Variants in MYO16 observed in about 807,000 individuals in gnomAD.
MYO16 encodes the protein unconventional myosin-XVI.
Under a neutral mutation model 205.3 loss-of-function variants are expected in MYO16, and 94 were observed. The ratio of observed to expected loss-of-function variants is 0.46; its 90% confidence interval spans 0.39 to 0.54. The LOEUF is 0.54. Among genes scored for constraint, MYO16 ranks in the 20% least tolerant of loss-of-function variants. The pLI, the probability that MYO16 is intolerant of heterozygous loss-of-function variation, is 0.00. For synonymous variants in MYO16, 988 were observed against 954.0 expected (o/e 1.04, Z -0.66); for missense variants, 2,315 against 2,387.5 (o/e 0.97, Z 0.63).
At chr13:108,677,677 C>A (rs2139460655) in intron 2 of MYO16, among the ~76,000 whole-genome samples, 1 of 152,096 alleles carries the variant, frequency 6.6e-6, no homozygotes, top group East Asian at 1.9e-4. Flanking sequence ...TCGCGCCATA[C>A]AATGTTATTT....
At chr13:108,774,830 C>T (rs1324389695) in intron 4 of MYO16, among the ~76,000 whole-genome samples, 1 of 152,152 alleles carries the variant, frequency 6.6e-6, no homozygotes, top group Non-Finnish European at 1.5e-5. Flanking sequence ...TCAATATGTT[C>T]TCTTACATCA....
Position 109,140,276 on chromosome 13 carries a change from C to G in MYO16, c.4064C>G (p.Pro1355Arg), listed in dbSNP as rs773262884. 2.5e-6 allele frequency: 4 copies of G among 1,599,966 alleles called. No individual in the cohort carries two copies. The highest frequency in any genetic ancestry group is 1.7e-5 in the Admixed American group (1 of 59,950). Reference sequence around the variant, plus strand: ...TTTCCTGCCGCAGCTCTGGCCCGGCCCAGACCGCACAGCGACGACTACAGC... The same window carrying G: ...TTTCCTGCCGCAGCTCTGGCCCGGCGCAGACCGCACAGCGACGACTACAGC... ...REAANEALAR[P>R]RPHSDDYSTM... The change falls in exon 32 of 35, where the codon CCC becomes CGC. Residue 1355 changes from proline (P) to arginine (R), a missense_variant. Physicochemically the swap from Pro to Arg is moderately radical, Grantham distance 103. Transcript: ENST00000457511. The surrounding 1 kb of genome is among the most constrained non-coding windows in gnomAD (Gnocchi z 8.0).
chr13:109,073,922 G>A (rs576148021), intron 27 of MYO16, among the ~76,000 whole-genome samples: 5 of 152,258 alleles, frequency 3.3e-5, no homozygotes, highest in Admixed American at 6.5e-5. Context: ...CTCAAGCTCG[G>A]TTCACCTGAG....
intron 28 of MYO16, among the ~76,000 whole-genome samples, chr13:109,115,048 A>G (rs550758189): frequency 1.3e-5 from 2 of 152,176 alleles, no homozygotes; most frequent in East Asian, 1.9e-4. Flanking sequence ...GATAATAGCT[A>G]TATTTTTCCT....
intron 10 of MYO16, among the ~76,000 whole-genome samples, chr13:108,850,148 T>A (rs1469382308): frequency 6.6e-6 from 1 of 152,126 alleles, no homozygotes; most frequent in Middle Eastern, 3.4e-3. Flanking sequence ...TTATCCATAC[T>A]GGGTTATTTG....
rs566057910 is a variant in MYO16, at chr13:109,019,273, C to T, written c.2596-438C>T. 1.1e-4 allele frequency among the ~76,000 whole-genome samples: 17 copies of T among 152,304 alleles called. No homozygotes were observed. The East Asian group carries it at 3.1e-3, about 28-fold the overall frequency. On this transcript the variant is annotated intron_variant, in intron 22 of 34. Coordinates refer to ENST00000457511, the MANE Select transcript of MYO16 (RefSeq NM_001198950.3). Reference sequence around the variant, plus strand: ...GATTATAGGCCTAAGCCACTGCAACCAGCTTTGCCATAATTTTTATGACTT... The same window carrying T: ...GATTATAGGCCTAAGCCACTGCAACTAGCTTTGCCATAATTTTTATGACTT...
At chr13:108,575,888 A>G in the MYO16 span, among the ~76,000 whole-genome samples, 4,876 of 151,992 alleles carry the variant, frequency 0.032, 241 homozygotes, top group African/African-American at 0.1. Flanking sequence ...CAGCAGGTGA[A>G]TGGATATGCC....
chr13:108,747,157 TA>T (rs2139626612), intron 4 of MYO16, among the ~76,000 whole-genome samples: 1 of 152,290 alleles, frequency 6.6e-6, no homozygotes, highest in African/African-American at 2.4e-5. Context: ...CAAGAAATGT[TA>T]AAATAAGTTG....
chr13:108,765,028 A>G (rs1264196110), intron 4 of MYO16, among the ~76,000 whole-genome samples: 1 of 152,180 alleles, frequency 6.6e-6, no homozygotes, highest in Non-Finnish European at 1.5e-5. Context: ...TCAGAATCAC[A>G]CATAATTTCA....
At chr13:108,868,817 G>A (rs1168223197) in intron 12 of MYO16, among the ~76,000 whole-genome samples, 6 of 151,786 alleles carry the variant, frequency 4.0e-5, no homozygotes, top group African/African-American at 1.2e-4. Flanking sequence ...CTACTTGGGA[G>A]GCTGAGGCAG....
At chr13:108,649,435 A>G (rs1880902063) in intron 1 of MYO16, among the ~76,000 whole-genome samples, 1 of 152,136 alleles carries the variant, frequency 6.6e-6, no homozygotes, top group South Asian at 2.1e-4. Flanking sequence ...GACAGATATG[A>G]GGTGCTTCTC....
At chr13:108,734,251 C>A (rs7319958) in intron 4 of MYO16, among the ~76,000 whole-genome samples, 2,078 of 150,946 alleles carry the variant, frequency 0.014, 45 homozygotes, top group African/African-American at 0.048. Flanking sequence ...TGCAATAAAA[C>A]AAAGGCAGCA....
intron 16 of MYO16, among the ~76,000 whole-genome samples, chr13:108,946,526 T>G (rs1477732754): frequency 6.6e-6 from 1 of 152,190 alleles, no homozygotes; most frequent in African/African-American, 2.4e-5. Context: ...GTACACCCAA[T>G]ATTAATTTAA....
intron 16 of MYO16, among the ~76,000 whole-genome samples, chr13:108,941,830 G>A (rs934206749): frequency 1.3e-5 from 2 of 152,064 alleles, no homozygotes; most frequent in African/African-American, 2.4e-5. Flanking sequence ...CGTGTTTGTT[G>A]TTGGTGTGAA....
intron 12 of MYO16, among the ~76,000 whole-genome samples, chr13:108,876,143 T>C (rs1431548487): frequency 7.2e-5 from 11 of 152,178 alleles, no homozygotes; most frequent in Admixed American, 7.2e-4. Context: ...TTATGAATTA[T>C]AATGTGTATA....
Position 109,207,485 on chromosome 13 carries a change from G to T in MYO16, c.*649G>T, listed in dbSNP as rs138052502. 1 of 151,456 alleles carries T rather than the reference G, an allele frequency of 6.6e-6. No homozygotes were observed. The highest frequency in any genetic ancestry group is 1.5e-5 in the Non-Finnish European group (1 of 67,940). 9.4% of individuals were successfully genotyped at this position (151,456 alleles called of 1,614,324 possible). ...GAAACTACATTGTTGTTTTAGCTTCGCCAGTGTCACCCCTTGCAAAACTAT... is the reference window on the plus strand; with the variant it reads ...GAAACTACATTGTTGTTTTAGCTTCTCCAGTGTCACCCCTTGCAAAACTAT... On this transcript the variant is annotated 3_prime_UTR_variant, in exon 35 of 35. Coordinates refer to ENST00000457511, the MANE Select transcript of MYO16 (RefSeq NM_001198950.3).
At chr13:108,863,479 ATAT>A (rs1280945342) in intron 11 of MYO16, among the ~76,000 whole-genome samples, 5 of 152,106 alleles carry the variant, frequency 3.3e-5, no homozygotes, top group Non-Finnish European at 7.4e-5. Context: ...GTTTTTTAAA[ATAT>A]TATTAGTTAC....
intron 29 of MYO16, among the ~76,000 whole-genome samples, chr13:109,121,175 C>T (rs1449639728): frequency 6.6e-6 from 1 of 152,168 alleles, no homozygotes; most frequent in African/African-American, 2.4e-5. Context: ...AAATTCTGAA[C>T]TTCATTCTAA....
intron 1 of MYO16, among the ~76,000 whole-genome samples, chr13:108,635,885 T>C (rs909046490): frequency 6.6e-6 from 1 of 152,210 alleles, no homozygotes; most frequent in Admixed American, 6.5e-5. Context: ...AATATGTCTC[T>C]GTTCTATGGA....
Sources: gnomAD v4.1 joint callset for allele counts (sites outside exome capture counted in the v4.1 genomes callset) on GRCh38, gnomAD v4.1.1 for gene constraint, Gnocchi (gnomAD v3.1) non-coding constraint, MANE v1.5 for transcripts, NCBI Gene and HGNC (gene_info 2026-07-23, HGNC 2026-07-21) for gene names.